The following CSNK2A2IP variants were observed in gnomAD, a reference collection of about 807,000 sequenced individuals.
The protein encoded by CSNK2A2IP is casein kinase 2 subunit alpha' interacting protein.
chr3:88,446,371 A>G, the CSNK2A2IP span, among the ~76,000 whole-genome samples: 1 of 152,058 alleles, frequency 6.6e-6, no homozygotes, highest in Non-Finnish European at 1.5e-5. Flanking sequence ...TACAGGCATG[A>G]GCCACCGTGC....
chr3:88,466,129 A>G, the CSNK2A2IP span: 20 of 1,231,664 alleles, frequency 1.6e-5, no homozygotes, highest in Non-Finnish European at 2.0e-5. Context: ...CTTATTTTGG[A>G]CATCACCTTC....
chr3:88,459,751 G>T, the CSNK2A2IP span, among the ~76,000 whole-genome samples: 1 of 152,060 alleles, frequency 6.6e-6, no homozygotes, highest in African/African-American at 2.4e-5. Flanking sequence ...AGTTTTATGA[G>T]AAATGGAAGT....
the CSNK2A2IP span, among the ~76,000 whole-genome samples, chr3:88,391,988 C>T: frequency 2.6e-5 from 4 of 152,028 alleles, no homozygotes; most frequent in African/African-American, 4.8e-5. Flanking sequence ...AATGACGGTG[C>T]ATTGATGAGC....
chr3:88,438,748 A>G, the CSNK2A2IP span, among the ~76,000 whole-genome samples: 2 of 152,162 alleles, frequency 1.3e-5, no homozygotes. Context: ...TGTTCCCTTC[A>G]GTCTTCATTC....
chr3:88,405,191 T>C, the CSNK2A2IP span, among the ~76,000 whole-genome samples: 1 of 152,296 alleles, frequency 6.6e-6, no homozygotes, highest in African/African-American at 2.4e-5. Context: ...CAAAATCTCA[T>C]TGCAGTGGTC....
At chr3:88,389,879 G>A in the CSNK2A2IP span, among the ~76,000 whole-genome samples, 2 of 150,754 alleles carry the variant, frequency 1.3e-5, no homozygotes, top group Non-Finnish European at 2.9e-5. Context: ...AGCAGCACAA[G>A]TGTTCTATAA....
the CSNK2A2IP span, among the ~76,000 whole-genome samples, chr3:88,407,300 A>AG: frequency 6.6e-6 from 1 of 151,524 alleles, no homozygotes. Context: ...TCCAAAAAAA[A>AG]AAAAAAAAAA....
the CSNK2A2IP span, among the ~76,000 whole-genome samples, chr3:88,436,284 G>T: frequency 6.6e-6 from 1 of 152,014 alleles, no homozygotes; most frequent in South Asian, 2.1e-4. Context: ...GCACTGTAAT[G>T]CTGAATTAAG....
At chr3:88,444,625 T>A in the CSNK2A2IP span, among the ~76,000 whole-genome samples, 1 of 152,220 alleles carries the variant, frequency 6.6e-6, no homozygotes, top group East Asian at 1.9e-4. Context: ...GTTATGTATA[T>A]GTGTTAACTA....
At chr3:88,382,643 T>C in the CSNK2A2IP span, 6 of 152,244 alleles carry the variant, frequency 3.9e-5, no homozygotes, top group South Asian at 2.1e-4. Flanking sequence ...AACAAACCCA[T>C]AGCTGGTTGG....
chr3:88,351,761 G>A, the CSNK2A2IP span, among the ~76,000 whole-genome samples: 1 of 152,046 alleles, frequency 6.6e-6, no homozygotes, highest in Non-Finnish European at 1.5e-5. Context: ...CTACAAAGAT[G>A]TATTTAATAC....
the CSNK2A2IP span, among the ~76,000 whole-genome samples, chr3:88,444,565 C>T: frequency 6.6e-6 from 1 of 152,038 alleles, no homozygotes; most frequent in Non-Finnish European, 1.5e-5. Context: ...CATTCTTATC[C>T]TAAAATAATT....
At chr3:88,385,172 C>G in the CSNK2A2IP span, among the ~76,000 whole-genome samples, 1 of 152,100 alleles carries the variant, frequency 6.6e-6, no homozygotes, top group Non-Finnish European at 1.5e-5. Context: ...CTGATGCAAT[C>G]CAGTAACTTC....
the CSNK2A2IP span, among the ~76,000 whole-genome samples, chr3:88,443,909 T>G: frequency 6.6e-6 from 1 of 151,670 alleles, no homozygotes; most frequent in South Asian, 2.1e-4. Flanking sequence ...AAAATAAAAG[T>G]GTAATGGAAT....
chr3:88,459,201 T>C, the CSNK2A2IP span, among the ~76,000 whole-genome samples: 1 of 152,132 alleles, frequency 6.6e-6, no homozygotes, highest in African/African-American at 2.4e-5. Flanking sequence ...TAGAAAACTG[T>C]GACCTTTCCT....
At chr3:88,346,739 G>A in the CSNK2A2IP span, among the ~76,000 whole-genome samples, 1 of 151,910 alleles carries the variant, frequency 6.6e-6, no homozygotes, top group East Asian at 1.9e-4. Flanking sequence ...TGGTCACTCA[G>A]GAGCTCTGAT....
the CSNK2A2IP span, among the ~76,000 whole-genome samples, chr3:88,381,816 G>A: frequency 1.3e-5 from 2 of 152,170 alleles, no homozygotes; most frequent in Non-Finnish European, 2.9e-5. Context: ...GGAAGTGATG[G>A]ATATGTTTAT....
At chr3:88,415,791 C>T in the CSNK2A2IP span, among the ~76,000 whole-genome samples, 1 of 151,980 alleles carries the variant, frequency 6.6e-6, no homozygotes, top group Non-Finnish European at 1.5e-5. Flanking sequence ...AAGCCAGATT[C>T]TGGAGGTGTA....
the CSNK2A2IP span, among the ~76,000 whole-genome samples, chr3:88,408,522 G>C: frequency 6.6e-6 from 1 of 152,020 alleles, no homozygotes; most frequent in Admixed American, 6.5e-5. Context: ...CTTGAAGTAG[G>C]CTTGACAATT....
Sources: allele counts gnomAD v4.1 joint callset (sites outside exome capture counted in the v4.1 genomes callset), GRCh38; gene constraint gnomAD v4.1.1; transcripts MANE v1.5; gene names NCBI Gene and HGNC (gene_info 2026-07-23, HGNC 2026-07-21).